The following DACH1 variants were observed in gnomAD, a reference collection of about 807,000 sequenced individuals.
DACH1 encodes dachshund family transcription factor 1.
DACH1 carries 12 observed loss-of-function variants against 54.2 expected under a neutral mutation model. The ratio of observed to expected loss-of-function variants is 0.22; its 90% confidence interval spans 0.14 to 0.36. The LOEUF (loss-of-function observed/expected upper bound fraction) is 0.36, where lower values mean the gene tolerates loss of function less well. Among genes scored for constraint, DACH1 ranks in the 10% least tolerant of loss-of-function variants. The probability of loss-of-function intolerance (pLI) is 1.00; values close to 1 mark genes in which losing one functional copy is unlikely to be tolerated. For missense variants in DACH1, 805 were observed against 929.8 expected (o/e 0.87, Z 1.75); for synonymous variants, 386 against 366.2 (o/e 1.05, Z -0.62).
chr13:71,574,095 A>G (rs898785372), intron 3 of DACH1, among the ~76,000 whole-genome samples: 2 of 152,194 alleles, frequency 1.3e-5, no homozygotes, highest in Non-Finnish European at 2.9e-5. Context: ...TTAAATATGC[A>G]TGCATGTGTG....
At chr13:71,811,747 A>G (rs927629998) in intron 1 of DACH1, among the ~76,000 whole-genome samples, 1 of 152,190 alleles carries the variant, frequency 6.6e-6, no homozygotes, top group Non-Finnish European at 1.5e-5. Context: ...TTGGCAAAAC[A>G]TCTTGAACCT....
intron 2 of DACH1, among the ~76,000 whole-genome samples, chr13:71,631,167 A>G (rs1047017387): frequency 1.3e-5 from 2 of 152,280 alleles, no homozygotes; most frequent in Admixed American, 1.3e-4. Flanking sequence ...TATATCACAG[A>G]TGTCACCATT....
At chr13:71,451,516 TGGG>T (rs1875056962) in intron 10 of DACH1, among the ~76,000 whole-genome samples, 1 of 152,164 alleles carries the variant, frequency 6.6e-6, no homozygotes, top group East Asian at 1.9e-4. Flanking sequence ...TGTTATGCCT[TGGG>T]AAGAACACAG....
chr13:71,551,055 C>G (rs1883783234), intron 6 of DACH1, among the ~76,000 whole-genome samples: 1 of 151,866 alleles, frequency 6.6e-6, no homozygotes, highest in South Asian at 2.1e-4. Flanking sequence ...TATATAGACA[C>G]AGGAGATACT....
chr13:71,497,456 C>T (rs1879530674), intron 6 of DACH1, among the ~76,000 whole-genome samples: 1 of 151,868 alleles, frequency 6.6e-6, no homozygotes, highest in African/African-American at 2.4e-5. Flanking sequence ...CTCAGCCTCC[C>T]GAGTAGCTGG....
intron 6 of DACH1, among the ~76,000 whole-genome samples, chr13:71,501,258 A>C (rs1879889802): frequency 1.3e-5 from 2 of 152,188 alleles, no homozygotes; most frequent in African/African-American, 2.4e-5. Flanking sequence ...ACATTGGCTC[A>C]GAATAAACCT....
intron 4 of DACH1, among the ~76,000 whole-genome samples, chr13:71,564,250 T>C (rs1346866930): frequency 2.0e-5 from 3 of 152,060 alleles, no homozygotes; most frequent in Non-Finnish European, 4.4e-5. Context: ...AAGAAAACTA[T>C]GTAAACTGGA....
At position 71,866,916 on chromosome 13, in the gene DACH1, A is replaced by C; in HGVS notation, c.-147T>G. 31 of 521,302 alleles carry C rather than the reference A, an allele frequency of 5.9e-5. No individual in the cohort carries two copies. The highest frequency in any genetic ancestry group is 1.6e-4 in the East Asian group (3 of 19,268). 32.3% of individuals were successfully genotyped at this position (521,302 alleles called of 1,614,324 possible). Reference sequence around the variant, plus strand: ...GAGAACGAGAAGGAGAAAGGGAGAGAAGGGGGAGAAAAGGAGGTGAAGGTA... The same window carrying C: ...GAGAACGAGAAGGAGAAAGGGAGAGCAGGGGGAGAAAAGGAGGTGAAGGTA... On this transcript the variant is annotated 5_prime_UTR_variant, in exon 1 of 11. Coordinates refer to ENST00000613252, the MANE Select transcript of DACH1 (RefSeq NM_080759.6).
At chr13:71,500,644 CA>C (rs1879834725) in intron 6 of DACH1, among the ~76,000 whole-genome samples, 1 of 152,034 alleles carries the variant, frequency 6.6e-6, no homozygotes, top group Non-Finnish European at 1.5e-5. Flanking sequence ...TTTTCAAACC[CA>C]AGTCTGAAGA....
intron 1 of DACH1, among the ~76,000 whole-genome samples, chr13:71,798,039 G>A (rs553523101): frequency 2.6e-5 from 4 of 152,050 alleles, no homozygotes; most frequent in South Asian, 2.1e-4. Context: ...AAATGTAACC[G>A]TTTAAGGGGA....
At chr13:71,511,777 A>ACTT (rs1880793484) in intron 6 of DACH1, among the ~76,000 whole-genome samples, 1 of 152,126 alleles carries the variant, frequency 6.6e-6, no homozygotes, top group South Asian at 2.1e-4. Context: ...TACATATGCC[A>ACTT]CTTAGCCTTT....
At chr13:71,750,799 TAG>T (rs1884887999) in intron 1 of DACH1, among the ~76,000 whole-genome samples, 1 of 152,158 alleles carries the variant, frequency 6.6e-6, no homozygotes, top group African/African-American at 2.4e-5. Context: ...CAGCAATATG[TAG>T]TTCACATAAT....
chr13:71,797,317 C>T (rs1887097487), intron 1 of DACH1, among the ~76,000 whole-genome samples: 1 of 151,998 alleles, frequency 6.6e-6, no homozygotes, highest in South Asian at 2.1e-4. Context: ...ACAGTACATT[C>T]CATGTGATGT....
intron 6 of DACH1, among the ~76,000 whole-genome samples, chr13:71,550,262 C>T (rs558801488): frequency 6.6e-6 from 1 of 152,108 alleles, no homozygotes; most frequent in Non-Finnish European, 1.5e-5. Context: ...ATCAAGCACT[C>T]CAGACATATA....
At chr13:71,481,502 A>C (rs538535151) in intron 7 of DACH1, among the ~76,000 whole-genome samples, 15 of 152,210 alleles carry the variant, frequency 9.9e-5, no homozygotes, top group South Asian at 4.1e-4. Context: ...AATTGCTGCT[A>C]ATGTGACTAA....
chr13:71,653,890 G>A (rs1878858908), intron 2 of DACH1, among the ~76,000 whole-genome samples: 1 of 151,918 alleles, frequency 6.6e-6, no homozygotes, highest in African/African-American at 2.4e-5. Flanking sequence ...ATTTTCTACA[G>A]AGTAGATCTT....
intron 10 of DACH1, among the ~76,000 whole-genome samples, chr13:71,444,553 C>T (rs959401397): frequency 3.9e-5 from 6 of 152,120 alleles, no homozygotes; most frequent in African/African-American, 1.4e-4. Context: ...AGTAACATTT[C>T]AGTACTCACT....
intron 1 of DACH1, among the ~76,000 whole-genome samples, chr13:71,841,419 A>G (rs1872835849): frequency 6.6e-6 from 1 of 152,178 alleles, no homozygotes; most frequent in Non-Finnish European, 1.5e-5. Flanking sequence ...TTTTCTAATA[A>G]GGAATAAATT....
chr13:71,854,989 T>G (rs551636467), intron 1 of DACH1, among the ~76,000 whole-genome samples: 1 of 152,136 alleles, frequency 6.6e-6, no homozygotes, highest in East Asian at 1.9e-4. Context: ...AGAAAAAGAA[T>G]CAACAATGTA....
Sources: allele counts gnomAD v4.1 joint callset (sites outside exome capture counted in the v4.1 genomes callset), GRCh38; gene constraint gnomAD v4.1.1; transcripts MANE v1.5; gene names NCBI Gene and HGNC (gene_info 2026-07-23, HGNC 2026-07-21).